Variants in MCPH1 observed in about 807,000 individuals in gnomAD.
MCPH1 encodes microcephalin 1.
Under a neutral mutation model 84.5 loss-of-function variants are expected in MCPH1, and 104 were observed. The observed-to-expected ratio is 1.23, with a 90% confidence interval of 1.05 to 1.45. The LOEUF (loss-of-function observed/expected upper bound fraction) is 1.45, where lower values mean the gene tolerates loss of function less well. Ranked by LOEUF, MCPH1 falls within the 40% of genes most tolerant of loss-of-function variation. MCPH1 has a pLI of 0.00. For synonymous variants in MCPH1, 514 were observed against 366.8 expected (o/e 1.40, Z -4.58); for missense variants, 1,498 against 1,005.7 (o/e 1.49, Z -6.62).
intron 12 of MCPH1, among the ~76,000 whole-genome samples, chr8:6,600,874 C>G (rs1367696794): frequency 6.6e-6 from 1 of 152,196 alleles, no homozygotes; most frequent in Non-Finnish European, 1.5e-5. Context: ...TTGCCTAGAA[C>G]TACTGGACAG....
Position 6,627,020 on chromosome 8 carries a change from C to A in MCPH1, c.2452+5329C>A, listed in dbSNP as rs149289598. On this transcript the variant is annotated intron_variant, in intron 13 of 13. Transcript: ENST00000344683. ...AAAAGTTTAGCCTCCGCCTGATTTT[C>A]TTATAACTTATAAAGAAAATTTGGT... The A allele has an allele frequency of 9.9e-3, 9,703 of 984,708 alleles. 64 individuals are homozygous for A. The highest frequency in any genetic ancestry group is 0.011 in the Non-Finnish European group (9,190 of 829,740). 61.0% of individuals were successfully genotyped at this position (984,708 alleles called of 1,614,324 possible). A position where few individuals can be genotyped will look rare whatever the true frequency, so the allele number is the denominator to read the frequency against.
intron 10 of MCPH1, among the ~76,000 whole-genome samples, chr8:6,479,230 G>C (rs948477607): frequency 1.3e-5 from 2 of 151,784 alleles, no homozygotes; most frequent in South Asian, 4.2e-4. Context: ...TTGTACCACT[G>C]CACTCCAGCC....
chr8:6,422,435 A>G (rs1800346361), intron 3 of MCPH1, among the ~76,000 whole-genome samples: 1 of 152,240 alleles, frequency 6.6e-6, no homozygotes. Flanking sequence ...ATGGAGATGC[A>G]TGGACAAAAT....
chr8:6,512,509 A>G (rs922234464), intron 12 of MCPH1, among the ~76,000 whole-genome samples: 2 of 152,184 alleles, frequency 1.3e-5, no homozygotes, highest in African/African-American at 4.8e-5. Context: ...TGTGTGCTCC[A>G]TGATCACGAG....
chr8:6,496,947 A>AT (rs1396273843), intron 11 of MCPH1, among the ~76,000 whole-genome samples: 6 of 151,816 alleles, frequency 4.0e-5, no homozygotes, highest in African/African-American at 7.3e-5. Context: ...CCCTCTTTAA[A>AT]TTTTTTTTGA....
intron 12 of MCPH1, chr8:6,514,711 A>T (rs762089580): frequency 1.2e-6 from 2 of 1,614,054 alleles, no homozygotes; most frequent in Admixed American, 1.7e-5. Context: ...CTGAAAATCA[A>T]CGCTGCCATC....
At chr8:6,479,507 C>T (rs1808916015) in intron 10 of MCPH1, among the ~76,000 whole-genome samples, 2 of 151,492 alleles carry the variant, frequency 1.3e-5, no homozygotes, top group Admixed American at 6.6e-5. Context: ...CAATCTCCTC[C>T]CACTGCAAGC....
intron 12 of MCPH1, among the ~76,000 whole-genome samples, chr8:6,541,204 A>G (rs1821495787): frequency 6.6e-6 from 1 of 152,206 alleles, no homozygotes; most frequent in Admixed American, 6.5e-5. Context: ...TCTGAGCAGC[A>G]CCAGAGGGTT....
At chr8:6,552,112 AT>A (rs1411945035) in intron 12 of MCPH1, among the ~76,000 whole-genome samples, 3 of 152,240 alleles carry the variant, frequency 2.0e-5, no homozygotes, top group Non-Finnish European at 2.9e-5. Context: ...GAAATTCTGA[AT>A]CTTTTCTACT....
intron 4 of MCPH1, 63 bp from the exon 5 acceptor site, chr8:6,435,985 G>A: frequency 6.3e-7 from 1 of 1,592,276 alleles, no homozygotes; most frequent in South Asian, 1.1e-5. Context: ...TATGCGAAAG[G>A]GCTTTTTCTC....
chr8:6,627,238 C>G (rs1406137965), intron 13 of MCPH1: 2 of 985,226 alleles, frequency 2.0e-6, no homozygotes, highest in Non-Finnish European at 2.4e-6. Flanking sequence ...GAGGCTTGAT[C>G]AGTCACCGCA....
At chr8:6,505,761 T>C (rs1334853382) in intron 12 of MCPH1, among the ~76,000 whole-genome samples, 1 of 134,020 alleles carries the variant, frequency 7.5e-6, no homozygotes, top group East Asian at 2.1e-4. Flanking sequence ...TACGTATATA[T>C]AGAATATATA....
chr8:6,457,333 C>T (rs548580605), intron 9 of MCPH1, among the ~76,000 whole-genome samples: 1 of 152,226 alleles, frequency 6.6e-6, no homozygotes, highest in East Asian at 1.9e-4. Context: ...TGGCTCATGC[C>T]TATAATCCCG....
chr8:6,572,852 C>G (rs967806224), intron 12 of MCPH1, among the ~76,000 whole-genome samples: 1 of 152,240 alleles, frequency 6.6e-6, no homozygotes, highest in Non-Finnish European at 1.5e-5. Context: ...AGGGAGCCCC[C>G]ACACGGGAAG....
chr8:6,620,454 C>T (rs1450879318), intron 12 of MCPH1, among the ~76,000 whole-genome samples: 4 of 152,086 alleles, frequency 2.6e-5, no homozygotes, highest in African/African-American at 7.2e-5. Context: ...CAACCTGCAC[C>T]CTACCCCTGC....
At chr8:6,511,873 C>T (rs1242616296) in intron 12 of MCPH1, among the ~76,000 whole-genome samples, 1 of 151,000 alleles carries the variant, frequency 6.6e-6, no homozygotes, top group Admixed American at 6.6e-5. Flanking sequence ...TTTATACAAA[C>T]AGCCTAATCC....
In MCPH1 at chr8:6,444,493, C is replaced by T. The variant is rs745931849; in HGVS notation, c.771C>T (p.Asp257=). 3.7e-6 allele frequency: 6 copies of T among 1,614,144 alleles called. No homozygotes were observed. In the South Asian group the frequency reaches 6.6e-5, roughly 18 times the overall value. Residue 257 remains aspartate, a synonymous_variant, in exon 8 of 14, where the codon GAC becomes GAT. Transcript: ENST00000344683. ...GGAAGTTGGAAGGATCCATTAATGA[C>T]ATTAAAAGTGATGTGTGTATTTCTT... is the stretch of plus-strand genomic sequence containing the variant. The part of the protein sequence containing the change: ...QERKLEGSIN[D]IKSDVCISSL...
At chr8:6,543,839 G>A (rs1822052930) in intron 12 of MCPH1, among the ~76,000 whole-genome samples, 1 of 152,146 alleles carries the variant, frequency 6.6e-6, no homozygotes, top group Non-Finnish European at 1.5e-5. Context: ...CCCCCTGTGT[G>A]CATGGACTTT....
At position 6,508,579 on chromosome 8, in the gene MCPH1, G is replaced by T. The variant is rs1814269523; in HGVS notation, c.2214+8650G>T. 7.0e-6 allele frequency: 3 copies of T among 428,478 alleles called. No homozygotes were observed. The East Asian group carries it at 1.2e-4, about 17-fold the overall frequency. The allele number at this position is 428,478 out of a possible 1,614,324, so 26.5% of individuals were successfully genotyped here. On this transcript the variant is annotated intron_variant, in intron 12 of 13. Transcript: ENST00000344683. ...TATATTACTGTTGTGGTTGCTACTT[G>T]GAATTTTTAACTTTTTACATAAAGC...
Sources: allele counts gnomAD v4.1 joint callset (sites outside exome capture counted in the v4.1 genomes callset), GRCh38; gene constraint gnomAD v4.1.1; transcripts MANE v1.5; gene names NCBI Gene and HGNC (gene_info 2026-07-23, HGNC 2026-07-21).